SLX4IP: variants seen among roughly 807,000 people sequenced by gnomAD.
SLX4IP encodes protein SLX4IP.
Under a neutral mutation model 32.9 loss-of-function variants are expected in SLX4IP, and 34 were observed. That is an observed-to-expected ratio of 1.03 (90% confidence interval 0.79 to 1.38). The LOEUF (loss-of-function observed/expected upper bound fraction) is 1.38. SLX4IP is among the 40% of genes most tolerant of loss of function. SLX4IP has a pLI of 0.00. For missense variants in SLX4IP, 444 were observed against 479.0 expected (o/e 0.93, Z 0.68); for synonymous variants, 172 against 171.7 (o/e 1.00, Z -0.01).
intron 2 of SLX4IP, among the ~76,000 whole-genome samples, chr20:10,498,614 A>G (rs1305026673): frequency 6.6e-6 from 1 of 152,084 alleles, no homozygotes; most frequent in African/African-American, 2.4e-5. Context: ...CTTCAAAATA[A>G]GCACTTAACT....
intron 4 of SLX4IP, among the ~76,000 whole-genome samples, chr20:10,572,206 C>T (rs1211306873): frequency 6.6e-6 from 1 of 152,148 alleles, no homozygotes; most frequent in Non-Finnish European, 1.5e-5. Context: ...AAGTAACTTG[C>T]CCAAAGATCA....
chr20:10,471,949 A>G (rs918435900), intron 2 of SLX4IP, among the ~76,000 whole-genome samples: 3 of 152,156 alleles, frequency 2.0e-5, no homozygotes, highest in Non-Finnish European at 1.5e-5. Context: ...TGAAAGTGGA[A>G]GCTGCCAGCT....
intron 6 of SLX4IP, among the ~76,000 whole-genome samples, chr20:10,618,730 G>A (rs887625988): frequency 6.6e-6 from 1 of 152,170 alleles, no homozygotes; most frequent in South Asian, 2.1e-4. Context: ...AAAAGTAGTA[G>A]GGTTGTCCCG....
At chr20:10,464,319 G>T (rs1161620146) in intron 2 of SLX4IP, among the ~76,000 whole-genome samples, 1 of 152,088 alleles carries the variant, frequency 6.6e-6, no homozygotes, top group Non-Finnish European at 1.5e-5. Flanking sequence ...ACTACACCCA[G>T]CTTGAGACCT....
At chr20:10,610,856 A>G (rs2066959214) in intron 6 of SLX4IP, among the ~76,000 whole-genome samples, 1 of 152,084 alleles carries the variant, frequency 6.6e-6, no homozygotes, top group Non-Finnish European at 1.5e-5. Flanking sequence ...CTTAGTTATT[A>G]TCAAAAAATT....
intron 2 of SLX4IP, among the ~76,000 whole-genome samples, chr20:10,532,802 G>A (rs2066001345): frequency 6.7e-6 from 1 of 149,628 alleles, no homozygotes; most frequent in African/African-American, 2.5e-5. Context: ...TTGAAATAGA[G>A]TCTCACTCTG....
chr20:10,572,281 C>T (rs1462118284), intron 4 of SLX4IP, among the ~76,000 whole-genome samples: 4 of 152,208 alleles, frequency 2.6e-5, no homozygotes, highest in African/African-American at 9.6e-5. Flanking sequence ...GGTTTGTCCT[C>T]ATTGCTTTGG....
At chr20:10,436,502 G>A (rs370710192) in intron 1 of SLX4IP, among the ~76,000 whole-genome samples, 251 of 152,058 alleles carry the variant, frequency 1.7e-3, no homozygotes, top group African/African-American at 5.5e-3. Context: ...GATTACAGGC[G>A]CGCGCCACCA....
At chr20:10,606,637 A>G (rs747650511) in intron 6 of SLX4IP, among the ~76,000 whole-genome samples, 1 of 152,166 alleles carries the variant, frequency 6.6e-6, no homozygotes, top group Non-Finnish European at 1.5e-5. Flanking sequence ...CTGATGACCA[A>G]TATTGTACAT....
At chr20:10,458,059 C>G in intron 1 of SLX4IP, 117 bp from the exon 2 acceptor site, 2 of 536,300 alleles carry the variant, frequency 3.7e-6, no homozygotes, top group Non-Finnish European at 6.1e-6. Context: ...TATAAGTGAA[C>G]ATTCATCTCA....
intron 1 of SLX4IP, among the ~76,000 whole-genome samples, chr20:10,437,412 CTG>C (rs572726143): frequency 4.7e-4 from 72 of 152,312 alleles, no homozygotes; most frequent in Non-Finnish European, 8.8e-4. Flanking sequence ...TTGAGACCCT[CTG>C]GATGAAATTA....
chr20:10,595,134 C>T (rs7262165), intron 4 of SLX4IP, among the ~76,000 whole-genome samples: 10,794 of 152,030 alleles, frequency 0.071, 622 homozygotes, highest in South Asian at 0.23. Context: ...CTTGCTGATA[C>T]TAGATGATTG....
intron 2 of SLX4IP, among the ~76,000 whole-genome samples, chr20:10,519,249 A>G (rs2065884009): frequency 6.6e-6 from 1 of 152,170 alleles, no homozygotes; most frequent in Non-Finnish European, 1.5e-5. Context: ...TGTTAAGTAT[A>G]TAATTCAGTA....
intron 2 of SLX4IP, among the ~76,000 whole-genome samples, chr20:10,532,899 C>A (rs1036842350): frequency 6.6e-6 from 1 of 151,988 alleles, no homozygotes; most frequent in Admixed American, 6.6e-5. Context: ...CCTCAGCCTC[C>A]CAAGTAACTG....
chr20:10,533,226 G>A (rs974805908), intron 2 of SLX4IP, among the ~76,000 whole-genome samples: 1 of 151,984 alleles, frequency 6.6e-6, no homozygotes, highest in African/African-American at 2.4e-5. Context: ...ACTCTGGTGG[G>A]AAGAAGGTTG....
At chr20:10,479,352 C>CTTTTTTT (rs764474218) in intron 2 of SLX4IP, among the ~76,000 whole-genome samples, 3 of 73,722 alleles carry the variant, frequency 4.1e-5, no homozygotes, top group African/African-American at 7.9e-5. Flanking sequence ...TTCCATATTT[C>CTTTTTTT]TTTTTTTTTT....
chr20:10,456,487 G>T (rs2065286715), intron 1 of SLX4IP, among the ~76,000 whole-genome samples: 3 of 152,060 alleles, frequency 2.0e-5, no homozygotes, highest in Admixed American at 2.0e-4. Flanking sequence ...GATTACAGGT[G>T]CATGCCACCA....
chr20:10,562,435 A>G (rs1042142284), intron 4 of SLX4IP, among the ~76,000 whole-genome samples: 4 of 151,954 alleles, frequency 2.6e-5, no homozygotes, highest in Non-Finnish European at 4.4e-5. Context: ...GCCTGCCGGA[A>G]TCTGCTGGTG....
At chr20:10,492,618 A>G (rs672154) in intron 2 of SLX4IP, among the ~76,000 whole-genome samples, 59,402 of 151,892 alleles carry the variant, frequency 0.39, 11,834 homozygotes, top group Non-Finnish European at 0.43. Context: ...CTTTGTCTCC[A>G]GTGTCTTTGT....
Sources: gnomAD v4.1 joint callset for allele counts (sites outside exome capture counted in the v4.1 genomes callset) on GRCh38, gnomAD v4.1.1 for gene constraint, MANE v1.5 for transcripts, NCBI Gene and HGNC (gene_info 2026-07-23, HGNC 2026-07-21) for gene names.